ZNF692: variants seen among roughly 807,000 people sequenced by gnomAD.
The protein encoded by ZNF692 is zinc finger protein 692, also known as AICAR responsive element binding protein.
In ZNF692, 41 loss-of-function variants were observed where a neutral mutation model predicts 49.0. The observed-to-expected ratio is 0.84, with a 90% CI of 0.65 to 1.08. The LOEUF (loss-of-function observed/expected upper bound fraction) is 1.08, where lower values mean the gene tolerates loss of function less well. Among genes scored for constraint, ZNF692 ranks in the 50% least tolerant of loss-of-function variants. The probability of loss-of-function intolerance (pLI) is 0.00; values close to 1 mark genes in which losing one functional copy is unlikely to be tolerated. For missense variants in ZNF692, 662 were observed against 662.2 expected (o/e 1.00, Z 0.00); for synonymous variants, 288 against 251.5 (o/e 1.15, Z -1.37).
At chr1:248,855,975 A>G in intron 6 of ZNF692, 29 bp from the exon 7 acceptor site, 2 of 1,606,150 alleles carry the variant, frequency 1.2e-6, no homozygotes, top group East Asian at 4.5e-5. Context: ...GGAAGATGGC[A>G]TTAACTTTCT....
Position 248,858,417 on chromosome 1 carries a change from G to C in ZNF692, c.-12-96C>G. ...TTAGGGCCTCAGTTTCCTCATCAGT[G>C]AACTGGGGCAAGACTAAACTATTTC... is the stretch of plus-strand genomic sequence containing the variant. On this transcript the variant is annotated intron_variant, in intron 1 of 11. Transcript: ENST00000306601. This position sits in a 1 kb window ranked among gnomAD's most constrained non-coding sequence, Gnocchi z 4.3. 1.9e-6 allele frequency: 3 copies of C among 1,549,498 alleles called. No homozygotes were observed. Among genetic ancestry groups the C allele is most frequent in the Non-Finnish European group, 1.7e-6 (2 of 1,145,076 alleles).
chr1:248,850,101 C>T lies in ZNF692; in HGVS notation c.*109G>A. 1.5e-6 allele frequency: 2 copies of T among 1,301,470 alleles called. No individual in the cohort carries two copies. The highest frequency in any genetic ancestry group is 2.1e-6 in the Non-Finnish European group (2 of 964,306). The allele number at this position is 1,301,470 out of a possible 1,614,324, so 80.6% of individuals were successfully genotyped here. On this transcript the variant is annotated 3_prime_UTR_variant, in exon 12 of 12. Coordinates refer to ENST00000306601, the MANE Select transcript of ZNF692 (RefSeq NM_017865.4). ...TTGCCCCCACCCTGCACTCTGTCGC[C>T]TTAGTTCCTGGGGACCAAGCATCTG... is the stretch of plus-strand genomic sequence containing the variant.
chr1:248,858,270 G>A lies in ZNF692; in HGVS notation c.40C>T (p.Arg14Trp). Reference sequence around the variant, plus strand: ...GCGTCCAGCTGCCGCCGCTTCTCCCGCCGCCTGCAGGACACGTCCACCGCC... The same window carrying A: ...GCGTCCAGCTGCCGCCGCTTCTCCCACCGCCTGCAGGACACGTCCACCGCC... The part of the protein sequence containing the change: ...SPAVDVSCRR[R>W]EKRRQLDARR... The change falls in exon 2 of 12, where the codon CGG becomes TGG. Residue 14 changes from arginine to tryptophan, a missense_variant. Transcript: ENST00000306601. This position sits in a 1 kb window ranked among gnomAD's most constrained non-coding sequence, Gnocchi z 4.3. 4 of 1,582,322 alleles carry A rather than the reference G, an allele frequency of 2.5e-6. No homozygotes were observed. Among genetic ancestry groups the A allele is most frequent in the Non-Finnish European group, 3.4e-6 (4 of 1,163,134 alleles).
rs13313088 is a variant in ZNF692 at position 248,855,917 on chromosome 1, G to C, written c.689C>G (p.Pro230Arg). 0.074 allele frequency: 119,306 copies of C among 1,613,870 alleles called. 8,726 individuals are homozygous for C. Among genetic ancestry groups the C allele is most frequent in the African/African-American group, 0.31 (23,589 of 74,936 alleles). The stretch of plus-strand genomic sequence containing the variant: ...TTTAGGTGTGCAGGTGACAGGGGAA[G>C]GCAGTAGTCTGGGGGCATCAGGCTC... ...DSEPDAPRLL[P>R]SPVTCTPKEG... The change falls in exon 7 of 12, where the codon CCT (proline) becomes CGT (arginine). Residue 230 changes from proline to arginine, a missense_variant. Transcript: ENST00000306601.
rs1366143315 is a variant in ZNF692 at position 248,858,977 on chromosome 1, G to C, written c.-72C>G. 2 of 181,624 alleles carry C rather than the reference G, an allele frequency of 1.1e-5. No homozygotes were observed. Among genetic ancestry groups the C allele is most frequent in the Non-Finnish European group, 2.4e-5 (2 of 84,950 alleles). 11.3% of individuals were successfully genotyped at this position (181,624 alleles called of 1,614,324 possible). On this transcript the variant is annotated 5_prime_UTR_variant, in exon 1 of 12. Transcript: ENST00000306601. This position sits in a 1 kb window ranked among gnomAD's most constrained non-coding sequence, Gnocchi z 4.3. ...CCTGCGCCTGCGCCTCCCGGGCCTA[G>C]CGAGCAGGCCCGGAGCTGCTGGAAG...
rs1214547946 is a variant in ZNF692 at position 248,858,489 on chromosome 1, A to T, written c.-12-168T>A. The T allele has an allele frequency of 1.9e-6, 3 of 1,551,658 alleles. No homozygotes were observed. The highest frequency in any genetic ancestry group is 2.4e-5 in the East Asian group (1 of 40,926). On this transcript the variant is annotated intron_variant, in intron 1 of 11. Transcript: ENST00000306601. This position sits in a 1 kb window ranked among gnomAD's most constrained non-coding sequence, Gnocchi z 4.3. ...GCCAAACCCCGTCCTTCTATGATAC[A>T]GGGTGTTGAAGCTCAGCGCTACCAT...
At position 248,858,207 on chromosome 1, in the gene ZNF692, T is replaced by C. The variant is rs762554459; in HGVS notation, c.103A>G (p.Met35Val). ...SKCRIRLGGH[M>V]EQWCLLKERL... is the part of the protein sequence containing the mutation. ...TCCTTGAGGAGGCACCACTGCTCCA[T>C]GTGGCCGCCCAGGCGGATGCGGCAC... Residue 35 changes from methionine (M) to valine (V), a missense_variant, in exon 2 of 12, where the codon ATG (methionine) becomes GTG (valine). Transcript: ENST00000306601. This position sits in a 1 kb window ranked among gnomAD's most constrained non-coding sequence, Gnocchi z 4.3. 11 of 1,592,798 alleles carry C rather than the reference T, an allele frequency of 6.9e-6. No homozygotes were observed. Among genetic ancestry groups the C allele is most frequent in the Non-Finnish European group, 8.5e-6 (10 of 1,171,100 alleles).
At position 248,855,448 on chromosome 1, in the gene ZNF692, T is replaced by C. The variant is rs768464420; in HGVS notation, c.970A>G (p.Lys324Glu). 5.0e-6 allele frequency: 8 copies of C among 1,614,172 alleles called. No individual in the cohort carries two copies. The highest frequency in any genetic ancestry group is 3.3e-5 in the South Asian group (3 of 91,086). ...IGPKRIRKAAKRELMPCDFPG... is the reference protein window; with the variant it reads ...IGPKRIRKAAERELMPCDFPG... Reference sequence around the variant, plus strand: ...AAGTCACAAGGCATCAGCTCTCTTTTGGCAGCTTTCCTGAGGAGAAGAATG... The same window carrying C: ...AAGTCACAAGGCATCAGCTCTCTTTCGGCAGCTTTCCTGAGGAGAAGAATG... Residue 324 changes from lysine to glutamate, a missense_variant, in exon 9 of 12, where the codon AAA becomes GAA. Coordinates refer to ENST00000306601, the MANE Select transcript of ZNF692 (RefSeq NM_017865.4).
In ZNF692 at chr1:248,859,061, G is replaced by C. The variant is rs1660602037; in HGVS notation, c.-156C>G. The C allele has an allele frequency of 1.3e-5, 2 of 153,660 alleles. No individual in the cohort carries two copies. The highest frequency in any genetic ancestry group is 2.9e-5 in the Non-Finnish European group (2 of 68,660). 9.5% of individuals were successfully genotyped at this position (153,660 alleles called of 1,614,324 possible). A position where few individuals can be genotyped will look rare whatever the true frequency, so the allele number is the denominator to read the frequency against. On this transcript the variant is annotated 5_prime_UTR_variant, in exon 1 of 12. Transcript: ENST00000306601. ...TTTTAAGAAGAAACGGTGCCTCTCG[G>C]CGTCGGCTGCTGTAGCCCGGAACTG...
intron 5 of ZNF692, 43 bp from the exon 6 acceptor site, chr1:248,856,465 T>G (rs766107065): frequency 1.8e-5 from 29 of 1,614,054 alleles, no homozygotes; most frequent in Middle Eastern, 1.6e-4. Flanking sequence ...TGCTCCCTCA[T>G]CCTCCCACCT....
At chr1:248,851,442 C>A (rs1443974024) in intron 10 of ZNF692, among the ~76,000 whole-genome samples, 1 of 152,082 alleles carries the variant, frequency 6.6e-6, no homozygotes, top group Non-Finnish European at 1.5e-5. Context: ...GTTTCTCTAA[C>A]CCACCAAACC....
chr1:248,856,633 G>A lies in ZNF692; in HGVS notation c.476-71C>T. ...GGATGAGGACACATAAAGTTCTAAGGTCTGAAGTGATGGGAGACTCCTCTT... is the reference window on the plus strand; with the variant it reads ...GGATGAGGACACATAAAGTTCTAAGATCTGAAGTGATGGGAGACTCCTCTT... On this transcript the variant is annotated intron_variant, in intron 4 of 11. Coordinates refer to ENST00000306601, the MANE Select transcript of ZNF692 (RefSeq NM_017865.4). 1.9e-6 allele frequency: 3 copies of A among 1,583,778 alleles called. No individual in the cohort carries two copies. The East Asian group carries it at 6.7e-5, about 35-fold the overall frequency.
At position 248,857,183 on chromosome 1, in the gene ZNF692, G is replaced by A. The variant is rs369089558; in HGVS notation, c.475+51C>T. ...ACAGGGTTCTGAGCTACAGAAAATG[G>A]GAAACGTTTTTCCTCCCTTTTCTCC... On this transcript the variant is annotated intron_variant, in intron 4 of 11. Transcript: ENST00000306601. The A allele has an allele frequency of 2.0e-4, 304 of 1,539,852 alleles. 1 individual carries two copies. Among genetic ancestry groups the A allele is most frequent in the Non-Finnish European group, 2.5e-4 (290 of 1,139,546 alleles).
chr1:248,858,527 G>A lies in ZNF692; in HGVS notation c.-12-206C>T. ...TCAGCGCTACCATGTGAGTGTCGTC[G>A]GGTGGGAGGCAGGCAGACAGAAGCA... On this transcript the variant is annotated intron_variant, in intron 1 of 11. Transcript: ENST00000306601. This position sits in a 1 kb window ranked among gnomAD's most constrained non-coding sequence, Gnocchi z 4.3. 1.9e-6 allele frequency: 3 copies of A among 1,551,746 alleles called. No homozygotes were observed. The highest frequency in any genetic ancestry group is 2.6e-6 in the Non-Finnish European group (3 of 1,146,998).
At position 248,858,849 on chromosome 1, in the gene ZNF692, A is replaced by C. The variant is rs1189979205; in HGVS notation, c.-13+69T>G. 2 of 474,626 alleles carry C rather than the reference A, an allele frequency of 4.2e-6. No individual in the cohort carries two copies. Among genetic ancestry groups the C allele is most frequent in the Non-Finnish European group, 7.8e-6 (2 of 257,980 alleles). 29.4% of individuals were successfully genotyped at this position (474,626 alleles called of 1,614,324 possible). A position where few individuals can be genotyped will look rare whatever the true frequency, so the allele number is the denominator to read the frequency against. On this transcript the variant is annotated intron_variant, in intron 1 of 11. Coordinates refer to ENST00000306601, the MANE Select transcript of ZNF692 (RefSeq NM_017865.4). The surrounding 1 kb of genome is among the most constrained non-coding windows in gnomAD (Gnocchi z 4.3). The stretch of plus-strand genomic sequence containing the variant: ...TTAATGCTGACAGTGAGTGGAGCGG[A>C]CTAATCCCAATGGCAGTTCCCAGGC...
At position 248,858,415 on chromosome 1, in the gene ZNF692, G is replaced by A. The variant is rs1660505380; in HGVS notation, c.-12-94C>T. The A allele has an allele frequency of 1.3e-6, 2 of 1,549,842 alleles. No individual in the cohort carries two copies. Among genetic ancestry groups the A allele is most frequent in the Admixed American group, 3.9e-5 (2 of 50,988 alleles). The stretch of plus-strand genomic sequence containing the variant: ...CGTTAGGGCCTCAGTTTCCTCATCA[G>A]TGAACTGGGGCAAGACTAAACTATT... On this transcript the variant is annotated intron_variant, in intron 1 of 11. Transcript: ENST00000306601. The surrounding 1 kb of genome is among the most constrained non-coding windows in gnomAD (Gnocchi z 4.3).
In ZNF692 at chr1:248,850,722, C is replaced by T. The variant is rs1487176129; in HGVS notation, c.1213G>A (p.Val405Ile). The change falls in exon 11 of 12, where the codon GTC becomes ATC. Residue 405 changes from valine to isoleucine, a missense_variant. Transcript: ENST00000306601. ...CCAGTGTGGATACGTCTGTGGATGA[C>T]AAGGTTGCTGCTAGTGCGGAAAGAC... is the stretch of plus-strand genomic sequence containing the variant. ...ARSFRTSSNLVIHRRIHTGEK... is the reference protein window; with the variant it reads ...ARSFRTSSNLIIHRRIHTGEK... 9 of 1,614,108 alleles carry T rather than the reference C, an allele frequency of 5.6e-6. No homozygotes were observed. In the South Asian group the frequency reaches 7.7e-5, roughly 14 times the overall value.
In ZNF692 at chr1:248,858,933, C is replaced by G. The variant is rs1329384052; in HGVS notation, c.-28G>C. On this transcript the variant is annotated 5_prime_UTR_variant, in exon 1 of 12. Transcript: ENST00000306601. This position sits in a 1 kb window ranked among gnomAD's most constrained non-coding sequence, Gnocchi z 4.3. ...CCGGCCTTACCTGTGCGCCCCCACG[C>G]GCCCTCACCCCCACTGCGCCTGCGC... is the stretch of plus-strand genomic sequence containing the variant. 2 of 224,128 alleles carry G rather than the reference C, an allele frequency of 8.9e-6. No homozygotes were observed. Among genetic ancestry groups the G allele is most frequent in the Non-Finnish European group, 1.8e-5 (2 of 109,922 alleles). 13.9% of individuals were successfully genotyped at this position (224,128 alleles called of 1,614,324 possible).
chr1:248,858,476 C>G lies in ZNF692; in HGVS notation c.-12-155G>C. On this transcript the variant is annotated intron_variant, in intron 1 of 11. Coordinates refer to ENST00000306601, the MANE Select transcript of ZNF692 (RefSeq NM_017865.4). This position sits in a 1 kb window ranked among gnomAD's most constrained non-coding sequence, Gnocchi z 4.3. ...TGGCAGGTGTGGAGCCAAACCCCGT[C>G]CTTCTATGATACAGGGTGTTGAAGC... 6.4e-7 allele frequency: 1 copy of G among 1,551,692 alleles called. No homozygotes were observed. The highest frequency in any genetic ancestry group is 8.7e-7 in the Non-Finnish European group (1 of 1,146,980).
Sources: gnomAD v4.1 joint callset for allele counts (sites outside exome capture counted in the v4.1 genomes callset) on GRCh38, gnomAD v4.1.1 for gene constraint, Gnocchi (gnomAD v3.1) non-coding constraint, MANE v1.5 for transcripts, NCBI Gene and HGNC (gene_info 2026-07-23, HGNC 2026-07-21) for gene names.